Variants in NGEF observed in about 807,000 individuals in gnomAD.
NGEF encodes the protein neuronal guanine nucleotide exchange factor.
In NGEF, 31 loss-of-function variants were observed where a neutral mutation model predicts 80.9. The ratio of observed to expected loss-of-function variants is 0.38; its 90% CI spans 0.29 to 0.52. The LOEUF (loss-of-function observed/expected upper bound fraction) is 0.52, where lower values mean the gene tolerates loss of function less well. NGEF is among the 20% of genes least tolerant of loss of function. The pLI is 0.84. For missense variants in NGEF, 709 were observed against 926.2 expected (o/e 0.77, Z 3.04); for synonymous variants, 371 against 370.2 (o/e 1.00, Z -0.03).
At chr2:232,947,280 G>A (rs893381596) in intron 3 of NGEF, among the ~76,000 whole-genome samples, 2 of 152,204 alleles carry the variant, frequency 1.3e-5, no homozygotes, top group South Asian at 4.1e-4. Flanking sequence ...TCACCCGGAT[G>A]CAGTCTCGCT....
At chr2:232,988,256 G>C (rs1331631096) in intron 1 of NGEF, among the ~76,000 whole-genome samples, 1 of 152,174 alleles carries the variant, frequency 6.6e-6, no homozygotes, top group African/African-American at 2.4e-5. Context: ...CTGTCTGCAA[G>C]AAGAGCTTTG....
chr2:232,905,248 C>T (rs1349798801), intron 5 of NGEF, among the ~76,000 whole-genome samples: 6 of 152,226 alleles, frequency 3.9e-5, no homozygotes, highest in Admixed American at 1.3e-4. Flanking sequence ...ATTGCAGGCG[C>T]GCGCCGCCAC....
At chr2:232,996,020 T>A (rs896160909) in intron 1 of NGEF, among the ~76,000 whole-genome samples, 1 of 151,892 alleles carries the variant, frequency 6.6e-6, no homozygotes, top group Non-Finnish European at 1.5e-5. Flanking sequence ...TTACAAAGAC[T>A]CTAGTGTGGA....
intron 3 of NGEF, among the ~76,000 whole-genome samples, chr2:232,953,829 C>T (rs1229632753): frequency 6.6e-6 from 1 of 151,994 alleles, no homozygotes; most frequent in Non-Finnish European, 1.5e-5. Flanking sequence ...GGGAAGCTGC[C>T]GGGGAAGCGG....
chr2:232,997,119 A>G (rs1415464007), intron 1 of NGEF, among the ~76,000 whole-genome samples: 1 of 150,138 alleles, frequency 6.7e-6, no homozygotes, highest in Non-Finnish European at 1.5e-5. Flanking sequence ...GCCGTGTGGC[A>G]GTGGTTCTCA....
chr2:233,002,044 G>A (rs956517639), intron 1 of NGEF, among the ~76,000 whole-genome samples: 1 of 152,010 alleles, frequency 6.6e-6, no homozygotes, highest in Non-Finnish European at 1.5e-5. Context: ...AAAGTGAGCA[G>A]TAATGGCAGG....
intron 1 of NGEF, among the ~76,000 whole-genome samples, chr2:232,976,568 G>T (rs1220033801): frequency 1.3e-5 from 2 of 152,212 alleles, no homozygotes; most frequent in African/African-American, 4.8e-5. Flanking sequence ...GGCCACTCTG[G>T]TTCCTAGAAC....
intron 5 of NGEF, among the ~76,000 whole-genome samples, chr2:232,912,711 A>G (rs1423882616): frequency 6.6e-6 from 1 of 152,098 alleles, no homozygotes; most frequent in African/African-American, 2.4e-5. Context: ...TATTCAGGTT[A>G]TTTATTTCAT....
intron 1 of NGEF, among the ~76,000 whole-genome samples, chr2:232,999,934 A>C (rs191300476): frequency 5.2e-5 from 8 of 152,384 alleles, no homozygotes; most frequent in Admixed American, 4.6e-4. Context: ...AAAAATGACA[A>C]CACTAATATT....
At chr2:232,944,236 A>G (rs1379647759) in intron 3 of NGEF, among the ~76,000 whole-genome samples, 1 of 152,120 alleles carries the variant, frequency 6.6e-6, no homozygotes. Flanking sequence ...TCCGTCTGGG[A>G]AAAAATTAAA....
chr2:232,893,050 C>T lies in NGEF; in HGVS notation c.990G>A (p.Arg330=). The change falls in exon 7 of 15, where the codon CGG becomes CGA. Residue 330 remains arginine (R), a splice_region_variant and synonymous_variant. Transcript: ENST00000264051. The stretch of plus-strand genomic sequence containing the variant: ...TCCGGTGCTCCAGCTCCAGGAGGAA[C>T]CTACGAGAGGCAGCGGCTTGAGGCG... ...NVLDVLAVSE[R]FLLELEHRME... 1 of 1,610,302 alleles carries T rather than the reference C, an allele frequency of 6.2e-7. No homozygotes were observed.
chr2:232,985,958 G>T (rs1574654285), intron 1 of NGEF, among the ~76,000 whole-genome samples: 1 of 148,576 alleles, frequency 6.7e-6, no homozygotes, highest in South Asian at 2.1e-4. Context: ...AAAGAAAAAA[G>T]AAAAAAAAAG....
chr2:233,004,297 C>T (rs1334817488), intron 1 of NGEF, among the ~76,000 whole-genome samples: 1 of 152,168 alleles, frequency 6.6e-6, no homozygotes, highest in East Asian at 1.9e-4. Context: ...CTCTGCTTCC[C>T]AATGACCCCT....
At chr2:232,895,842 T>C (rs572076507) in intron 5 of NGEF, among the ~76,000 whole-genome samples, 1 of 152,354 alleles carries the variant, frequency 6.6e-6, no homozygotes, top group African/African-American at 2.4e-5. Context: ...AAGAAATCCA[T>C]AACCTGATCA....
intron 5 of NGEF, among the ~76,000 whole-genome samples, chr2:232,905,038 T>C (rs1692459688): frequency 2.0e-5 from 3 of 152,142 alleles, no homozygotes; most frequent in Non-Finnish European, 2.9e-5. Flanking sequence ...ATTTTTACTT[T>C]AAAAGGAGGA....
At chr2:232,906,760 G>T (rs1172871711) in intron 5 of NGEF, among the ~76,000 whole-genome samples, 2 of 151,428 alleles carry the variant, frequency 1.3e-5, no homozygotes, top group Non-Finnish European at 2.9e-5. Context: ...GTGGGGAAAA[G>T]ATTGAGAAAT....
intron 1 of NGEF, among the ~76,000 whole-genome samples, chr2:232,981,437 G>A (rs1368787170): frequency 2.6e-5 from 4 of 152,102 alleles, no homozygotes; most frequent in Admixed American, 2.6e-4. Flanking sequence ...TGCAGCCTCT[G>A]ACTCCAAGAG....
intron 1 of NGEF, among the ~76,000 whole-genome samples, chr2:233,003,268 G>A (rs1206531145): frequency 6.6e-6 from 1 of 152,190 alleles, no homozygotes; most frequent in Non-Finnish European, 1.5e-5. Flanking sequence ...CCCCAGGTGG[G>A]GCTGCCCAGT....
intron 3 of NGEF, among the ~76,000 whole-genome samples, chr2:232,952,992 A>G (rs1574633259): frequency 6.9e-6 from 1 of 144,792 alleles, no homozygotes; most frequent in Non-Finnish European, 1.5e-5. Context: ...AAAAAAAAAA[A>G]AAAAAACAAC....
Sources: allele counts gnomAD v4.1 joint callset (sites outside exome capture counted in the v4.1 genomes callset), GRCh38; gene constraint gnomAD v4.1.1; transcripts MANE v1.5; gene names NCBI Gene and HGNC (gene_info 2026-07-23, HGNC 2026-07-21).